PDE10A: variants seen among roughly 807,000 people sequenced by gnomAD.
PDE10A encodes phosphodiesterase 10A.
In PDE10A, 39 loss-of-function variants were observed where a neutral mutation model predicts 97.7. The observed-to-expected ratio is 0.40, with a 90% CI of 0.31 to 0.52. The LOEUF (loss-of-function observed/expected upper bound fraction) is 0.52, where lower values mean the gene tolerates loss of function less well. Ranked by LOEUF, PDE10A falls within the 20% of genes least tolerant of loss-of-function variation. PDE10A has a pLI of 0.56. For missense variants in PDE10A, 731 were observed against 1,047.8 expected (o/e 0.70, Z 4.17); for synonymous variants, 371 against 376.8 (o/e 0.98, Z 0.18).
upstream of PDE10A, among the ~76,000 whole-genome samples, chr6:165,665,420 G>A (rs983469407): frequency 3.9e-5 from 6 of 152,170 alleles, no homozygotes; most frequent in Non-Finnish European, 8.8e-5. Context: ...AAGGAGGAGA[G>A]GGCTGTGACA....
chr6:165,336,124 T>C lies in PDE10A; in HGVS notation c.3064A>G (p.Arg1022Gly), dbSNP rs1163660728. 1.9e-6 allele frequency: 3 copies of C among 1,606,860 alleles called. No individual in the cohort carries two copies. The highest frequency in any genetic ancestry group is 2.6e-6 in the Non-Finnish European group (3 of 1,173,612). ...TACGGCTTGAACCATAGTACATACCTGCATGCTTTCAGAAGAGGCTCCGTG... is the reference window on the plus strand; with the variant it reads ...TACGGCTTGAACCATAGTACATACCCGCATGCTTTCAGAAGAGGCTCCGTG... ...PPTEPLLKAC[R>G]DNLSQWEKVI... The change falls in exon 21 of 22, where the codon AGG (arginine) becomes GGG (glycine). Residue 1022 changes from arginine (R) to glycine (G), a missense_variant and splice_region_variant. By Grantham distance (125) the Arg-to-Gly change is moderately radical. Coordinates refer to ENST00000539869, the MANE Select transcript of PDE10A (RefSeq NM_001385079.1).
chr6:165,422,445 A>G (rs1198648222), intron 10 of PDE10A, among the ~76,000 whole-genome samples: 1 of 147,940 alleles, frequency 6.8e-6, no homozygotes, highest in Admixed American at 6.6e-5. Flanking sequence ...ATACACACAT[A>G]CGCATATACA....
At chr6:165,875,746 TTGTG>T (rs1554334720) in intron 1 of PDE10A, among the ~76,000 whole-genome samples, 3 of 147,076 alleles carry the variant, frequency 2.0e-5, no homozygotes, top group African/African-American at 7.9e-5. Flanking sequence ...TTTTTTTTTT[TTGTG>T]TGTGTGTGTG....
intron 18 of PDE10A, among the ~76,000 whole-genome samples, chr6:165,345,116 A>G (rs543261833): frequency 1.1e-4 from 16 of 152,348 alleles, no homozygotes; most frequent in African/African-American, 3.8e-4. Context: ...AAAATAATTC[A>G]ATCTTATTAA....
chr6:165,918,604 G>A (rs1454233917), intron 1 of PDE10A, among the ~76,000 whole-genome samples: 1 of 152,184 alleles, frequency 6.6e-6, no homozygotes, highest in African/African-American at 2.4e-5. Context: ...TTTAAAAACA[G>A]ATTTTGATAT....
intron 1 of PDE10A, among the ~76,000 whole-genome samples, chr6:165,887,570 G>T (rs78241419): frequency 6.6e-6 from 1 of 152,100 alleles, no homozygotes; most frequent in Non-Finnish European, 1.5e-5. Context: ...AGCCAGCAGC[G>T]TTCCCAGGCC....
At chr6:165,668,076 A>G (rs1350276591), upstream of PDE10A, among the ~76,000 whole-genome samples, 5 of 152,376 alleles carry the variant, frequency 3.3e-5, no homozygotes, top group East Asian at 9.6e-4. Context: ...AGTCAAATAT[A>G]TCAATTGTGT....
intron 1 of PDE10A, among the ~76,000 whole-genome samples, chr6:165,893,183 C>T (rs1781850749): frequency 1.3e-5 from 2 of 152,222 alleles, no homozygotes; most frequent in Non-Finnish European, 2.9e-5. Flanking sequence ...TGAAATAATA[C>T]ATAACCACAG....
At chr6:165,984,450 T>C (rs918944029) in intron 1 of PDE10A, among the ~76,000 whole-genome samples, 57 of 152,368 alleles carry the variant, frequency 3.7e-4, no homozygotes, top group African/African-American at 1.3e-3. Flanking sequence ...ATTATTAAAA[T>C]AGCATTAAAA....
chr6:165,739,169 G>A (rs1792655963), intron 1 of PDE10A, among the ~76,000 whole-genome samples: 1 of 152,130 alleles, frequency 6.6e-6, no homozygotes, highest in African/African-American at 2.4e-5. Context: ...ACAGGACCCT[G>A]GATAGTCAAA....
chr6:165,743,182 G>A lies in PDE10A; in HGVS notation c.-614-199614C>T, dbSNP rs116185793. Among the ~76,000 whole-genome samples, 403 of 152,270 alleles carry A rather than the reference G, an allele frequency of 2.6e-3. 3 individuals are homozygous for A. The highest frequency in any genetic ancestry group is 8.8e-3 in the African/African-American group (367 of 41,554). On this transcript the variant is annotated intron_variant, in intron 1 of 19. Transcript: ENST00000366882. ...CTAGGCCTTAGGGAGGAAGTCCCTC[G>A]TATTCCAGTGGAATTATTACATAAA...
At chr6:165,975,873 G>C (rs1784830919) in intron 1 of PDE10A, among the ~76,000 whole-genome samples, 1 of 152,192 alleles carries the variant, frequency 6.6e-6, no homozygotes, top group Non-Finnish European at 1.5e-5. Flanking sequence ...TAACGATATT[G>C]CGTGTGGGTA....
chr6:165,963,583 AGT>A (rs1394675483), intron 1 of PDE10A, among the ~76,000 whole-genome samples: 7 of 152,224 alleles, frequency 4.6e-5, no homozygotes, highest in Non-Finnish European at 1.0e-4. Flanking sequence ...TTTGTCAGAA[AGT>A]ACCCAGTATG....
chr6:165,862,331 T>G (rs553134563), intron 1 of PDE10A, among the ~76,000 whole-genome samples: 6 of 152,244 alleles, frequency 3.9e-5, no homozygotes, highest in African/African-American at 9.6e-5. Context: ...CCAAGCCAAT[T>G]TGAGGTGGAG....
At chr6:165,731,549 G>A (rs2128451183) in intron 1 of PDE10A, among the ~76,000 whole-genome samples, 1 of 152,254 alleles carries the variant, frequency 6.6e-6, no homozygotes, top group South Asian at 2.1e-4. Flanking sequence ...GTGAGGAAGG[G>A]GCAGCTTTCC....
chr6:165,333,577 C>G (rs775605706), intron 21 of PDE10A, among the ~76,000 whole-genome samples: 9 of 152,188 alleles, frequency 5.9e-5, no homozygotes, highest in Non-Finnish European at 1.2e-4. Flanking sequence ...ACCTCATCAT[C>G]TTACACTTGT....
intron 1 of PDE10A, among the ~76,000 whole-genome samples, chr6:165,730,741 A>G (rs1792411899): frequency 9.8e-6 from 1 of 101,846 alleles, no homozygotes; most frequent in Admixed American, 1.1e-4. Flanking sequence ...CGACAGAGTG[A>G]GATTCCACCA....
Position 165,786,553 on chromosome 6 carries a change from TG to T in PDE10A, c.-615+200975del, listed in dbSNP as rs112896799. On this transcript the variant is annotated intron_variant, in intron 1 of 19. Transcript: ENST00000366882. ...TCCACATGACTGTTTATGGGAAAAC[TG>T]GGAGGTCATCTTCCTGCAGCTTTTA... 5.9e-3 allele frequency among the ~76,000 whole-genome samples: 905 copies of T among 152,310 alleles called. 12 individuals carry two copies. Among genetic ancestry groups the T allele is most frequent in the African/African-American group, 0.021 (873 of 41,562 alleles).
chr6:165,588,340 G>C (rs543161397), intron 1 of PDE10A, among the ~76,000 whole-genome samples: 25 of 138,706 alleles, frequency 1.8e-4, no homozygotes, highest in African/African-American at 5.8e-4. Flanking sequence ...GCCCAGGCTG[G>C]AGTGCAATGG....
Sources: allele counts gnomAD v4.1 joint callset (sites outside exome capture counted in the v4.1 genomes callset), GRCh38; gene constraint gnomAD v4.1.1; transcripts MANE v1.5; gene names NCBI Gene and HGNC (gene_info 2026-07-23, HGNC 2026-07-21).